The following FAM135A variants were observed in gnomAD, a reference collection of about 807,000 sequenced individuals.
The protein encoded by FAM135A is family with sequence similarity 135 member A.
FAM135A carries 79 observed loss-of-function variants against 146.8 expected under a neutral mutation model. That is an observed-to-expected ratio of 0.54 (90% CI 0.45 to 0.65). The LOEUF (loss-of-function observed/expected upper bound fraction) is 0.65. Among genes scored for constraint, FAM135A ranks in the 30% least tolerant of loss-of-function variants. FAM135A has a pLI of 0.00. For missense variants in FAM135A, 1,623 were observed against 1,758.2 expected, an observed-to-expected ratio of 0.92 and a Z score of 1.38; for synonymous variants, 562 against 603.6, an observed-to-expected ratio of 0.93 and a Z score of 1.01.
chr6:70,425,216 T>A (rs60975909), intron 2 of FAM135A, among the ~76,000 whole-genome samples: 9 of 152,096 alleles, frequency 5.9e-5, no homozygotes, highest in African/African-American at 2.2e-4. Flanking sequence ...CTACAATTCC[T>A]AGCCTATAGT....
intron 18 of FAM135A, among the ~76,000 whole-genome samples, chr6:70,534,466 T>G (rs1490693952): frequency 6.6e-6 from 1 of 151,736 alleles, no homozygotes; most frequent in Non-Finnish European, 1.5e-5. Flanking sequence ...ATTACAGGCA[T>G]GCACCACCAT....
chr6:70,509,883 TC>T (rs1790602328), intron 12 of FAM135A, among the ~76,000 whole-genome samples: 3 of 152,266 alleles, frequency 2.0e-5, no homozygotes, highest in African/African-American at 7.2e-5. Flanking sequence ...AATTAAGACT[TC>T]AAACAAAATA....
At chr6:70,547,817 T>A (rs1799118055) in intron 20 of FAM135A, among the ~76,000 whole-genome samples, 1 of 152,220 alleles carries the variant, frequency 6.6e-6, no homozygotes, top group Non-Finnish European at 1.5e-5. Context: ...TTTAATCTTT[T>A]TCTTGGTAAA....
At chr6:70,530,885 T>C (rs537194375) in intron 16 of FAM135A, among the ~76,000 whole-genome samples, 10 of 152,240 alleles carry the variant, frequency 6.6e-5, no homozygotes, top group Non-Finnish European at 1.3e-4. Flanking sequence ...GCCATTCTAG[T>C]AAATTTCCAA....
At chr6:70,491,648 T>C (rs1049131906) in intron 11 of FAM135A, among the ~76,000 whole-genome samples, 17 of 151,936 alleles carry the variant, frequency 1.1e-4, no homozygotes, top group Non-Finnish European at 4.4e-5. Context: ...GATATACTTT[T>C]GGATATAAAT....
chr6:70,515,314 T>C (rs986616143), intron 12 of FAM135A, among the ~76,000 whole-genome samples: 5 of 152,230 alleles, frequency 3.3e-5, no homozygotes, highest in Non-Finnish European at 7.3e-5. Context: ...CCTCCACATA[T>C]AGCAGCTTTA....
chr6:70,438,458 C>T (rs557259613), intron 4 of FAM135A, among the ~76,000 whole-genome samples: 35 of 152,318 alleles, frequency 2.3e-4, no homozygotes, highest in Non-Finnish European at 4.3e-4. Context: ...CGTCCCTCTT[C>T]GTCCCTCTCA....
At chr6:70,554,881 C>T (rs1461080386) in intron 20 of FAM135A, among the ~76,000 whole-genome samples, 1 of 152,174 alleles carries the variant, frequency 6.6e-6, no homozygotes, top group Admixed American at 6.5e-5. Context: ...CCCTCGGCCT[C>T]CCAAAGTGCT....
chr6:70,508,810 GA>G (rs1323945210), intron 12 of FAM135A, among the ~76,000 whole-genome samples: 3 of 152,148 alleles, frequency 2.0e-5, no homozygotes, highest in African/African-American at 7.2e-5. Context: ...AACAGCAAAT[GA>G]TATTTCAATA....
chr6:70,435,104 TATA>T (rs1221328289), intron 4 of FAM135A, among the ~76,000 whole-genome samples: 11 of 92,536 alleles, frequency 1.2e-4, no homozygotes, highest in African/African-American at 4.8e-4. Flanking sequence ...TATATATATA[TATA>T]TATTTTTTTT....
chr6:70,486,131 A>G (rs754665325), intron 10 of FAM135A: 2 of 1,585,722 alleles, frequency 1.3e-6, no homozygotes, highest in Admixed American at 3.4e-5. Context: ...TGAAAGGAGT[A>G]TAGTAACTAG....
intron 5 of FAM135A, among the ~76,000 whole-genome samples, chr6:70,463,498 A>G (rs111832288): frequency 1.3e-4 from 20 of 152,002 alleles, no homozygotes; most frequent in African/African-American, 4.8e-4. Context: ...GGCCTCAAGC[A>G]GTCTTCTCAC....
At chr6:70,526,768 C>G in intron 15 of FAM135A, 70 bp downstream of exon 15, 9 of 149,760 alleles carry the variant, frequency 6.0e-5, no homozygotes, top group East Asian at 1.0e-4. Context: ...CACACACATA[C>G]ACACACACAC....
chr6:70,495,739 C>G (rs566415676), intron 11 of FAM135A, among the ~76,000 whole-genome samples: 49 of 152,220 alleles, frequency 3.2e-4, no homozygotes, highest in African/African-American at 1.2e-3. Flanking sequence ...CTGCACCCAT[C>G]AACCTGTCGT....
intron 12 of FAM135A, among the ~76,000 whole-genome samples, chr6:70,515,984 G>T (rs1792100711): frequency 6.6e-6 from 1 of 151,822 alleles, no homozygotes; most frequent in Non-Finnish European, 1.5e-5. Flanking sequence ...AATTATCTTG[G>T]TGTCTCTTTC....
Position 70,452,581 on chromosome 6 carries a change from A to C in FAM135A, c.157+10A>C. On this transcript the variant is annotated intron_variant, in intron 5 of 21. Transcript: ENST00000418814. The stretch of plus-strand genomic sequence containing the variant: ...TTGTTGCATGCAACAGGTAAGCCAA[A>C]GAATACATTCAAATTTAAAAAGTAA... The C allele has an allele frequency of 6.5e-7, 1 of 1,550,228 alleles. No homozygotes were observed. The highest frequency in any genetic ancestry group is 2.4e-5 in the East Asian group (1 of 41,822).
chr6:70,473,124 T>C (rs546511411), intron 5 of FAM135A, among the ~76,000 whole-genome samples: 21 of 152,360 alleles, frequency 1.4e-4, no homozygotes, highest in African/African-American at 3.8e-4. Flanking sequence ...TATTTTGATG[T>C]TCACTTTGTC....
chr6:70,522,386 G>T, intron 12 of FAM135A, 127 bp from the exon 13 acceptor site: 1 of 718,060 alleles, frequency 1.4e-6, no homozygotes. Context: ...AGAGGGAGAA[G>T]GGAAGTTTAA....
In FAM135A at chr6:70,526,290, C is replaced by T; in HGVS notation, c.3206C>T (p.Thr1069Ile). The change falls in exon 15 of 22, where the codon ACT becomes ATT. Residue 1069 changes from threonine to isoleucine, a missense_variant. Transcript: ENST00000418814. The part of the protein sequence containing the change: ...YSNALSPQKE[T>I]SEKEISNLQQ... ...AATGCACTTAGCCCTCAGAAGGAAA[C>T]TTCTGAAAAAGAAATTAGTAATCTT... The T allele has an allele frequency of 6.2e-7, 1 of 1,613,258 alleles. No homozygotes were observed. The highest frequency in any genetic ancestry group is 1.1e-5 in the South Asian group (1 of 91,048).
Sources: gnomAD v4.1 joint callset for allele counts (sites outside exome capture counted in the v4.1 genomes callset) on GRCh38, gnomAD v4.1.1 for gene constraint, MANE v1.5 for transcripts, NCBI Gene and HGNC (gene_info 2026-07-23, HGNC 2026-07-21) for gene names.